The following TENM4 variants were observed in gnomAD, a reference collection of about 807,000 sequenced individuals.
TENM4 encodes teneurin transmembrane protein 4.
In TENM4, 82 loss-of-function variants were observed where a neutral mutation model predicts 243.3. That is an observed-to-expected ratio of 0.34 (90% CI 0.28 to 0.40). The LOEUF (loss-of-function observed/expected upper bound fraction) is 0.40. TENM4 is among the 10% of genes least tolerant of loss of function. The pLI is 1.00. For missense variants in TENM4, 3,138 were observed against 3,673.3 expected (o/e 0.85, Z 3.77); for synonymous variants, 1,412 against 1,456.3 (o/e 0.97, Z 0.69).
At chr11:79,091,716 G>T (rs145364723) in intron 4 of TENM4, among the ~76,000 whole-genome samples, 1 of 151,998 alleles carries the variant, frequency 6.6e-6, no homozygotes, top group African/African-American at 2.4e-5. Context: ...GAAAAACATG[G>T]GACTGCAGGA....
At chr11:79,395,403 C>T (rs1858322287) in intron 1 of TENM4, among the ~76,000 whole-genome samples, 1 of 152,192 alleles carries the variant, frequency 6.6e-6, no homozygotes, top group Admixed American at 6.5e-5. Context: ...CCTAACTGCA[C>T]AGAGTTCACA....
chr11:78,880,325 G>A (rs905717697), intron 9 of TENM4, among the ~76,000 whole-genome samples: 11 of 152,120 alleles, frequency 7.2e-5, no homozygotes, highest in Admixed American at 2.0e-4. Flanking sequence ...GCGGAAGGCC[G>A]CAGGGACCTC....
intron 6 of TENM4, among the ~76,000 whole-genome samples, chr11:78,974,723 C>CTTT (rs5792830): frequency 7.0e-5 from 9 of 129,250 alleles, no homozygotes; most frequent in African/African-American, 2.5e-4. Context: ...CTTTTCTTTT[C>CTTT]TTTTTTTTTT....
At chr11:79,135,566 C>T (rs1862090818) in intron 4 of TENM4, among the ~76,000 whole-genome samples, 1 of 151,812 alleles carries the variant, frequency 6.6e-6, no homozygotes, top group Non-Finnish European at 1.5e-5. Context: ...TTTATAGCAG[C>T]ACAATTCACA....
At chr11:79,113,894 G>T (rs938578857) in intron 4 of TENM4, among the ~76,000 whole-genome samples, 2 of 152,158 alleles carry the variant, frequency 1.3e-5, no homozygotes, top group Non-Finnish European at 1.5e-5. Flanking sequence ...GCTTGTTGTT[G>T]CCTGCACAAC....
chr11:78,757,113 C>A, intron 18 of TENM4, 92 bp from the exon 19 acceptor site: 1 of 1,339,370 alleles, frequency 7.5e-7, no homozygotes, highest in Non-Finnish European at 1.0e-6. Flanking sequence ...CTCTATTTTT[C>A]ACTCATTCAA....
intron 6 of TENM4, among the ~76,000 whole-genome samples, chr11:78,966,937 T>C (rs1024045835): frequency 1.3e-5 from 2 of 152,184 alleles, no homozygotes; most frequent in African/African-American, 4.8e-5. Flanking sequence ...TAAATCTATC[T>C]GAACGGCAAC....
At position 78,699,779 on chromosome 11, in the gene TENM4, C is replaced by A. The variant is rs141073837; in HGVS notation, c.5087+1747G>T. 4.2e-4 allele frequency among the ~76,000 whole-genome samples: 64 copies of A among 152,266 alleles called. No individual in the cohort carries two copies. The East Asian group carries it at 0.011, about 27-fold the overall frequency. On this transcript the variant is annotated intron_variant, in intron 28 of 33. Transcript: ENST00000278550. ...GTTTTAGATTTCAGGGGTGGTGGAG[C>A]GTAATGGATGCAGTGATGTGTGAGC...
intron 1 of TENM4, among the ~76,000 whole-genome samples, chr11:79,313,807 C>A (rs774259395): frequency 6.6e-6 from 1 of 152,158 alleles, no homozygotes; most frequent in Non-Finnish European, 1.5e-5. Context: ...CTCATCTCCC[C>A]ACTGTCTTGG....
chr11:79,263,851 G>A (rs1353363490), intron 2 of TENM4, among the ~76,000 whole-genome samples: 1 of 152,156 alleles, frequency 6.6e-6, no homozygotes, highest in Non-Finnish European at 1.5e-5. Context: ...CCAGTTTATT[G>A]AAATCTGTGC....
At chr11:79,337,076 A>C (rs978312723) in intron 1 of TENM4, among the ~76,000 whole-genome samples, 3 of 152,232 alleles carry the variant, frequency 2.0e-5, no homozygotes, top group Non-Finnish European at 4.4e-5. Flanking sequence ...ACTGGCCTAA[A>C]GCCAGCAAAG....
At chr11:79,351,718 A>T (rs1565311090) in intron 1 of TENM4, among the ~76,000 whole-genome samples, 1 of 152,054 alleles carries the variant, frequency 6.6e-6, no homozygotes, top group East Asian at 1.9e-4. Context: ...ATAAAAAATA[A>T]AAATAAATAA....
At chr11:79,256,490 G>A (rs2135314928) in intron 2 of TENM4, among the ~76,000 whole-genome samples, 1 of 152,336 alleles carries the variant, frequency 6.6e-6, no homozygotes, top group South Asian at 2.1e-4. Flanking sequence ...GGACTGCCCA[G>A]TGCCAAAGCT....
chr11:78,920,975 T>C (rs1386109186), intron 6 of TENM4, among the ~76,000 whole-genome samples: 2 of 152,204 alleles, frequency 1.3e-5, no homozygotes, highest in Non-Finnish European at 2.9e-5. Context: ...TGATCTGTGT[T>C]ACAGCACTGT....
chr11:79,373,039 T>A (rs1857817297), intron 1 of TENM4, among the ~76,000 whole-genome samples: 1 of 151,068 alleles, frequency 6.6e-6, no homozygotes, highest in Non-Finnish European at 1.5e-5. Context: ...GTTTTGTTCA[T>A]TAGGGCAGAG....
At chr11:79,080,644 G>A (rs982091098) in intron 4 of TENM4, among the ~76,000 whole-genome samples, 6 of 152,314 alleles carry the variant, frequency 3.9e-5, no homozygotes, top group Admixed American at 2.0e-4. Flanking sequence ...GTCCCATGTG[G>A]CTTTCTTGGA....
intron 1 of TENM4, among the ~76,000 whole-genome samples, chr11:79,312,714 T>C (rs1321255142): frequency 1.3e-5 from 2 of 152,172 alleles, no homozygotes; most frequent in African/African-American, 2.4e-5. Context: ...AATTAGCATG[T>C]GTTCCCAACA....
At chr11:78,708,614 T>C (rs972083497) in intron 26 of TENM4, 99 bp from the exon 27 acceptor site, 10 of 1,395,344 alleles carry the variant, frequency 7.2e-6, no homozygotes, top group African/African-American at 1.4e-5. Context: ...CTCCTCTACA[T>C]GATTGGGTTT....
At chr11:78,911,764 C>T (rs1328025670) in intron 6 of TENM4, among the ~76,000 whole-genome samples, 2 of 152,166 alleles carry the variant, frequency 1.3e-5, no homozygotes. Context: ...AGGCCCTCAC[C>T]AGATGTGGCC....
Sources: gnomAD v4.1 joint callset for allele counts (sites outside exome capture counted in the v4.1 genomes callset) on GRCh38, gnomAD v4.1.1 for gene constraint, MANE v1.5 for transcripts, NCBI Gene and HGNC (gene_info 2026-07-23, HGNC 2026-07-21) for gene names.